The following PARD3 variants were observed in gnomAD, a reference collection of about 807,000 sequenced individuals.
The protein encoded by PARD3 is par-3 family cell polarity regulator, also known as partitioning defective 3 homolog.
A neutral mutation model predicts 155.4 loss-of-function variants in PARD3; 75 were observed. The observed-to-expected ratio is 0.48, with a 90% CI of 0.40 to 0.58. The LOEUF (loss-of-function observed/expected upper bound fraction) is 0.58, where lower values mean the gene tolerates loss of function less well. Ranked by LOEUF, PARD3 falls within the 20% of genes least tolerant of loss-of-function variation. The probability of loss-of-function intolerance (pLI) is 0.00; values close to 1 mark genes in which losing one functional copy is unlikely to be tolerated. For missense variants in PARD3, 1,642 were observed against 1,721.7 expected (o/e 0.95, Z 0.82); for synonymous variants, 576 against 610.5 (o/e 0.94, Z 0.83).
At chr10:34,563,954 A>C (rs2085718389) in intron 2 of PARD3, among the ~76,000 whole-genome samples, 1 of 152,232 alleles carries the variant, frequency 6.6e-6, no homozygotes, top group South Asian at 2.1e-4. Context: ...AAAATAACTA[A>C]GGTAAATCAG....
intron 2 of PARD3, among the ~76,000 whole-genome samples, chr10:34,554,982 G>A (rs2084873481): frequency 2.0e-5 from 3 of 152,236 alleles, no homozygotes. Context: ...ATGGAGGGAT[G>A]AATGCACAGA....
At chr10:34,164,996 G>A (rs978457191) in intron 22 of PARD3, among the ~76,000 whole-genome samples, 4 of 152,052 alleles carry the variant, frequency 2.6e-5, no homozygotes, top group African/African-American at 9.7e-5. Flanking sequence ...AACGTTGATT[G>A]ATACTAGACT....
At chr10:34,427,173 T>G (rs538390683) in intron 5 of PARD3, among the ~76,000 whole-genome samples, 2 of 152,340 alleles carry the variant, frequency 1.3e-5, no homozygotes, top group South Asian at 4.1e-4. Context: ...ACAGCGATTT[T>G]CAGGGAACAA....
At chr10:34,811,445 C>T (rs1203308998) in intron 1 of PARD3, among the ~76,000 whole-genome samples, 1 of 152,186 alleles carries the variant, frequency 6.6e-6, no homozygotes, top group Non-Finnish European at 1.5e-5. Flanking sequence ...TCTGCCCCTG[C>T]AGGCAGGTGC....
chr10:34,133,268 G>A (rs1022435189), intron 22 of PARD3, among the ~76,000 whole-genome samples: 12 of 152,030 alleles, frequency 7.9e-5, no homozygotes, highest in Non-Finnish European at 1.2e-4. Context: ...AGACACTACC[G>A]TGGGGCTGGA....
chr10:34,544,882 G>A (rs2083919871), intron 2 of PARD3, among the ~76,000 whole-genome samples: 1 of 152,158 alleles, frequency 6.6e-6, no homozygotes, highest in Admixed American at 6.5e-5. Flanking sequence ...GTGAAGTTAA[G>A]CCATGAAGCA....
At chr10:34,126,939 A>G (rs1475487886) in intron 23 of PARD3, among the ~76,000 whole-genome samples, 1 of 152,236 alleles carries the variant, frequency 6.6e-6, no homozygotes, top group Admixed American at 6.5e-5. Context: ...GGAAATGCTA[A>G]TACAAGCCAA....
intron 1 of PARD3, among the ~76,000 whole-genome samples, chr10:34,802,804 G>T (rs1054797241): frequency 5.9e-5 from 9 of 152,178 alleles, no homozygotes; most frequent in African/African-American, 2.2e-4. Context: ...TTAATCACTG[G>T]CAAACACTCC....
intron 4 of PARD3, among the ~76,000 whole-genome samples, chr10:34,466,266 C>T (rs1475688093): frequency 6.6e-6 from 1 of 152,058 alleles, no homozygotes; most frequent in East Asian, 1.9e-4. Context: ...CCTCTTCAGG[C>T]CCTCAAGCAA....
chr10:34,655,619 C>A (rs992895519), intron 2 of PARD3, among the ~76,000 whole-genome samples: 9 of 152,256 alleles, frequency 5.9e-5, no homozygotes, highest in East Asian at 3.9e-4. Context: ...CAGAAGAGGG[C>A]AGAATGCAGA....
chr10:34,369,300 ATTTATTTATTTAT>A (rs1564635289), intron 12 of PARD3, among the ~76,000 whole-genome samples: 3,046 of 120,210 alleles, frequency 0.025, 103 homozygotes, highest in African/African-American at 0.13. Flanking sequence ...GATTTTTGTG[ATTTATTTATTTAT>A]TTGTTTATTT....
chr10:34,242,137 G>C (rs1378634552), intron 22 of PARD3, among the ~76,000 whole-genome samples: 1 of 152,128 alleles, frequency 6.6e-6, no homozygotes, highest in Non-Finnish European at 1.5e-5. Context: ...GAGCTCATGG[G>C]AGAGGTCAGT....
intron 14 of PARD3, among the ~76,000 whole-genome samples, chr10:34,348,497 G>GATA (rs1263421217): frequency 6.6e-6 from 1 of 152,156 alleles, no homozygotes; most frequent in African/African-American, 2.4e-5. Flanking sequence ...AGGCGTGCTT[G>GATA]ATCAGAATGG....
At chr10:34,391,152 A>G (rs1842835121) in intron 7 of PARD3, among the ~76,000 whole-genome samples, 1 of 151,856 alleles carries the variant, frequency 6.6e-6, no homozygotes. Flanking sequence ...CCACCCAAAC[A>G]TCTCAAACCC....
chr10:34,707,447 T>C (rs1161235964), intron 1 of PARD3, among the ~76,000 whole-genome samples: 1 of 151,746 alleles, frequency 6.6e-6, no homozygotes, highest in African/African-American at 2.4e-5. Context: ...AAAAAAAAAG[T>C]CTCTGGAGGA....
intron 1 of PARD3, among the ~76,000 whole-genome samples, chr10:34,710,472 C>T (rs1464601906): frequency 6.6e-6 from 1 of 151,952 alleles, no homozygotes; most frequent in Non-Finnish European, 1.5e-5. Flanking sequence ...CTGTCCAATT[C>T]ACTTCTAGAC....
Position 34,348,092 on chromosome 10 carries a change from AG to A in PARD3, c.2090del (p.Pro697LeufsTer42). On this transcript the variant is annotated frameshift_variant, in exon 15 of 25. Transcript: ENST00000374788. LOFTEE classifies it high-confidence loss of function. ...CTGTTTCAATGGGCAGCTCAGGTCC[AG>A]GGGGGCTCCCAGGTGACTTCAGCTA... ...CNELKSPGSP[P>X]GPELPIETAL... 2 of 1,610,376 alleles carry A rather than the reference AG, an allele frequency of 1.2e-6. No individual in the cohort carries two copies. The highest frequency in any genetic ancestry group is 1.7e-5 in the Admixed American group (1 of 59,594).
At chr10:34,371,866 G>C (rs775168770) in intron 12 of PARD3, among the ~76,000 whole-genome samples, 3 of 152,054 alleles carry the variant, frequency 2.0e-5, no homozygotes, top group African/African-American at 4.8e-5. Flanking sequence ...GAGACTGATA[G>C]AGCAATCCTT....
At chr10:34,814,715 G>A (rs1415949905) in intron 1 of PARD3, among the ~76,000 whole-genome samples, 161 bp downstream of exon 1, 1 of 151,588 alleles carries the variant, frequency 6.6e-6, no homozygotes, top group Admixed American at 6.6e-5. Flanking sequence ...GAACTTTGGC[G>A]CCCGCAGTCC....
Sources: allele counts gnomAD v4.1 joint callset (sites outside exome capture counted in the v4.1 genomes callset), GRCh38; gene constraint gnomAD v4.1.1; transcripts MANE v1.5; gene names NCBI Gene and HGNC (gene_info 2026-07-23, HGNC 2026-07-21).